Variants in CACNA1D observed in about 807,000 individuals in gnomAD.
The protein encoded by CACNA1D is voltage-dependent L-type calcium channel subunit alpha-1D.
In CACNA1D, 55 loss-of-function variants were observed where a neutral mutation model predicts 257.1. The ratio of observed to expected loss-of-function variants is 0.21; its 90% CI spans 0.17 to 0.27. The LOEUF (loss-of-function observed/expected upper bound fraction) is 0.27, where lower values mean the gene tolerates loss of function less well. CACNA1D is among the 10% of genes least tolerant of loss of function. CACNA1D has a pLI of 1.00. For synonymous variants in CACNA1D, 980 were observed against 1,014.9 expected (o/e 0.97, Z 0.65); for missense variants, 1,876 against 2,784.0 (o/e 0.67, Z 7.34).
At position 53,673,704 on chromosome 3, in the gene CACNA1D, A is replaced by G. The variant is rs377505684; in HGVS notation, c.1220+578A>G. On this transcript the variant is annotated intron_variant, in intron 8 of 47. Coordinates refer to ENST00000350061, the MANE Select transcript of CACNA1D (RefSeq NM_001128840.3). This position sits in a 1 kb window ranked among gnomAD's most constrained non-coding sequence, Gnocchi z 4.1. ...GATAACTGATAACTGATCTCCTTAC[A>G]TTTTACAGGTAAATGATGCGATAGG... is the stretch of plus-strand genomic sequence containing the variant. 1.2e-5 allele frequency: 19 copies of G among 1,594,152 alleles called. No individual in the cohort carries two copies. Among genetic ancestry groups the G allele is most frequent in the Non-Finnish European group, 1.5e-5 (18 of 1,161,848 alleles).
At chr3:53,517,221 TCC>T in intron 3 of CACNA1D, among the ~76,000 whole-genome samples, 1 of 7,024 alleles carries the variant, frequency 1.4e-4, no homozygotes, top group African/African-American at 8.6e-4. Flanking sequence ...AGGCCCTGAA[TCC>T]TAATCCCTCA....
At chr3:53,706,536 G>A (rs1206126884) in intron 9 of CACNA1D, among the ~76,000 whole-genome samples, 3 of 152,166 alleles carry the variant, frequency 2.0e-5, no homozygotes, top group East Asian at 1.9e-4. Context: ...ACAATTGAAC[G>A]TTCTGTGACT....
intron 10 of CACNA1D, among the ~76,000 whole-genome samples, 190 bp from the exon 11 acceptor site, chr3:53,719,565 G>T (rs1368798806): frequency 6.6e-6 from 1 of 152,194 alleles, no homozygotes; most frequent in Non-Finnish European, 1.5e-5. Flanking sequence ...AGGGTGCTCA[G>T]TCTGCTCCTC....
chr3:53,746,700 A>G (rs552435203), intron 25 of CACNA1D, among the ~76,000 whole-genome samples: 1 of 152,324 alleles, frequency 6.6e-6, no homozygotes, highest in African/African-American at 2.4e-5. Flanking sequence ...GCAGCCTGGC[A>G]TTGGCGTGAG....
chr3:53,607,695 CATTT>C (rs1223252775), intron 3 of CACNA1D, among the ~76,000 whole-genome samples: 1 of 152,204 alleles, frequency 6.6e-6, no homozygotes, highest in Non-Finnish European at 1.5e-5. Context: ...CTCTATGATT[CATTT>C]TGAGATAATT....
intron 3 of CACNA1D, among the ~76,000 whole-genome samples, chr3:53,570,501 A>G (rs1473125081): frequency 6.6e-6 from 1 of 152,252 alleles, no homozygotes; most frequent in Non-Finnish European, 1.5e-5. Context: ...TAGGCTTACA[A>G]ATATCTTAGA....
intron 3 of CACNA1D, among the ~76,000 whole-genome samples, chr3:53,518,133 G>A (rs1032359315): frequency 2.0e-5 from 3 of 152,202 alleles, no homozygotes; most frequent in Admixed American, 6.5e-5. Flanking sequence ...TTTGCACGTC[G>A]GGTGCTGAAG....
chr3:53,723,691 T>C lies in CACNA1D; in HGVS notation c.1892+32T>C, dbSNP rs1559573491. ...AAATGTGGGTCCCACTGCAAATGTT[T>C]TATGAACATGAGGCGGCAACCAGTC... On this transcript the variant is annotated intron_variant, in intron 13 of 47. Coordinates refer to ENST00000350061, the MANE Select transcript of CACNA1D (RefSeq NM_001128840.3). This position sits in a 1 kb window ranked among gnomAD's most constrained non-coding sequence, Gnocchi z 5.6. 1 of 1,605,720 alleles carries C rather than the reference T, an allele frequency of 6.2e-7. No homozygotes were observed. The highest frequency in any genetic ancestry group is 8.5e-7 in the Non-Finnish European group (1 of 1,172,466).
At chr3:53,732,505 C>A (rs1270153460) in intron 18 of CACNA1D, among the ~76,000 whole-genome samples, 2 of 152,170 alleles carry the variant, frequency 1.3e-5, no homozygotes, top group African/African-American at 4.8e-5. Flanking sequence ...GGGGAAACAG[C>A]CAGGTGTTGG....
chr3:53,643,028 T>C (rs1287195491), intron 3 of CACNA1D, among the ~76,000 whole-genome samples: 5 of 152,172 alleles, frequency 3.3e-5, no homozygotes, highest in Non-Finnish European at 7.4e-5. Context: ...ATTGTCCCTG[T>C]TTTATGGATG....
rs185951964 is a variant in CACNA1D, at chr3:53,555,886, C to G, written c.483+54166C>G. Among the ~76,000 whole-genome samples, 102 of 152,220 alleles carry G rather than the reference C, an allele frequency of 6.7e-4. No homozygotes were observed. In the Middle Eastern group the frequency reaches 0.014, roughly 20 times the overall value. ...GTGCACGTGTATACAGTTCTGTGAGCTTTAACATATAAATTGTTGTATCTC... is the reference window on the plus strand; with the variant it reads ...GTGCACGTGTATACAGTTCTGTGAGGTTTAACATATAAATTGTTGTATCTC... On this transcript the variant is annotated intron_variant, in intron 3 of 47. Coordinates refer to ENST00000350061, the MANE Select transcript of CACNA1D (RefSeq NM_001128840.3).
intron 39 of CACNA1D, among the ~76,000 whole-genome samples, chr3:53,784,702 G>C (rs1025837937): frequency 2.6e-5 from 4 of 152,160 alleles, no homozygotes; most frequent in African/African-American, 9.7e-5. Flanking sequence ...ATAGAGGAAG[G>C]CTGTGGCATG....
intron 3 of CACNA1D, among the ~76,000 whole-genome samples, chr3:53,626,180 T>C (rs757085099): frequency 6.6e-6 from 1 of 152,184 alleles, no homozygotes; most frequent in Non-Finnish European, 1.5e-5. Context: ...ACTGGTGTAG[T>C]GTGGCAGGTT....
At position 53,774,249 on chromosome 3, in the gene CACNA1D, C is replaced by A; in HGVS notation, c.4111-338C>A. The A allele has an allele frequency of 3.0e-6, 1 of 337,536 alleles. No homozygotes were observed. Among genetic ancestry groups the A allele is most frequent in the Non-Finnish European group, 5.7e-6 (1 of 176,708 alleles). The allele number at this position is 337,536 out of a possible 1,614,324, so 20.9% of individuals were successfully genotyped here. ...GGCCTTCCCTGACCCAGCCCCCCAGCCTTCAGTAGATGAGCCTGTCTCACG... is the reference window on the plus strand; with the variant it reads ...GGCCTTCCCTGACCCAGCCCCCCAGACTTCAGTAGATGAGCCTGTCTCACG... On this transcript the variant is annotated intron_variant, in intron 33 of 47. Coordinates refer to ENST00000350061, the MANE Select transcript of CACNA1D (RefSeq NM_001128840.3). The surrounding 1 kb of genome is among the most constrained non-coding windows in gnomAD (Gnocchi z 4.3).
At chr3:53,759,748 C>G (rs2095289704) in intron 29 of CACNA1D, among the ~76,000 whole-genome samples, 1 of 152,256 alleles carries the variant, frequency 6.6e-6, no homozygotes, top group Non-Finnish European at 1.5e-5. Context: ...GCTGTCAGCT[C>G]TAACACTAAG....
At chr3:53,740,402 C>T in intron 21 of CACNA1D, 63 bp downstream of exon 21, 1 of 1,072,744 alleles carries the variant, frequency 9.3e-7, no homozygotes, top group Non-Finnish European at 1.5e-6. Flanking sequence ...AGTTGCACTT[C>T]TTTGTTTGCC....
intron 15 of CACNA1D, among the ~76,000 whole-genome samples, chr3:53,727,886 C>T (rs1251090770): frequency 6.6e-6 from 1 of 152,126 alleles, no homozygotes; most frequent in African/African-American, 2.4e-5. Flanking sequence ...AGTGTGGTAA[C>T]CTCAGTGCAA....
At chr3:53,808,007 G>GA (rs1475457591) in intron 45 of CACNA1D, 2 of 153,276 alleles carry the variant, frequency 1.3e-5, no homozygotes, top group African/African-American at 4.8e-5. Context: ...GTGACAGTGG[G>GA]AAGTGTCGTG....
intron 8 of CACNA1D, among the ~76,000 whole-genome samples, chr3:53,683,237 G>A (rs1448294696): frequency 2.6e-5 from 4 of 152,216 alleles, no homozygotes; most frequent in Non-Finnish European, 5.9e-5. Flanking sequence ...AATGCTGTAA[G>A]TGGTTGGAAA....
Sources: allele counts gnomAD v4.1 joint callset (sites outside exome capture counted in the v4.1 genomes callset), GRCh38; gene constraint gnomAD v4.1.1; non-coding constraint Gnocchi (gnomAD v3.1); transcripts MANE v1.5; gene names NCBI Gene and HGNC (gene_info 2026-07-23, HGNC 2026-07-21).